MBOAT1: variants seen among roughly 807,000 people sequenced by gnomAD.
The protein encoded by MBOAT1 is membrane bound glycerophospholipid O-acyltransferase 1, also known as membrane-bound glycerophospholipid O-acyltransferase 1.
Under a neutral mutation model 64.4 loss-of-function variants are expected in MBOAT1, and 67 were observed. That is an observed-to-expected ratio of 1.04 (90% confidence interval 0.85 to 1.27). The LOEUF (loss-of-function observed/expected upper bound fraction) is 1.27, where lower values mean the gene tolerates loss of function less well. MBOAT1 is among the 50% of genes most tolerant of loss of function. The pLI, the probability that MBOAT1 is intolerant of heterozygous loss-of-function variation, is 0.00. For synonymous variants in MBOAT1, 229 were observed against 218.9 expected (o/e 1.05, Z -0.41); for missense variants, 563 against 604.6 (o/e 0.93, Z 0.72).
At chr6:20,193,253 G>T (rs377672253) in intron 1 of MBOAT1, among the ~76,000 whole-genome samples, 81 of 152,052 alleles carry the variant, frequency 5.3e-4, no homozygotes, top group Middle Eastern at 3.4e-3. Flanking sequence ...TGATCCGCCC[G>T]CCTAGGCCTC....
At chr6:20,187,561 CA>C (rs1240362752) in intron 1 of MBOAT1, among the ~76,000 whole-genome samples, 4 of 152,126 alleles carry the variant, frequency 2.6e-5, no homozygotes, top group Non-Finnish European at 2.9e-5. Context: ...AAATCATCTA[CA>C]AAACCAGAAA....
At chr6:20,204,784 T>C (rs1217156148) in intron 1 of MBOAT1, among the ~76,000 whole-genome samples, 1 of 152,214 alleles carries the variant, frequency 6.6e-6, no homozygotes, top group Non-Finnish European at 1.5e-5. Context: ...GGTGCTGGAA[T>C]GCAGTGCAGC....
intron 6 of MBOAT1, among the ~76,000 whole-genome samples, 175 bp from the exon 7 acceptor site, chr6:20,126,875 A>G (rs1760669519): frequency 6.6e-6 from 1 of 152,200 alleles, no homozygotes; most frequent in African/African-American, 2.4e-5. Flanking sequence ...GAAAGGTTAA[A>G]GAAGCAGGGG....
chr6:20,103,586 C>A (rs1354287548), intron 12 of MBOAT1, among the ~76,000 whole-genome samples: 1 of 151,990 alleles, frequency 6.6e-6, no homozygotes, highest in Non-Finnish European at 1.5e-5. Flanking sequence ...CGCCACCACG[C>A]TCGGCCAATT....
intron 1 of MBOAT1, among the ~76,000 whole-genome samples, chr6:20,180,533 C>A (rs1762479561): frequency 1.3e-5 from 2 of 152,274 alleles, no homozygotes; most frequent in South Asian, 2.1e-4. Context: ...CCAATAAACA[C>A]CACAGCTCTG....
At chr6:20,123,785 G>GCA (rs1760562533) in intron 8 of MBOAT1, among the ~76,000 whole-genome samples, 1 of 152,058 alleles carries the variant, frequency 6.6e-6, no homozygotes, top group African/African-American at 2.4e-5. Context: ...GGCTGGGCGT[G>GCA]GTGGCTCACA....
intron 1 of MBOAT1, among the ~76,000 whole-genome samples, chr6:20,160,082 C>A (rs1018990276): frequency 2.0e-5 from 3 of 152,188 alleles, no homozygotes; most frequent in African/African-American, 7.2e-5. Flanking sequence ...ACAGCTCTTG[C>A]AAGATTTCAA....
intron 1 of MBOAT1, among the ~76,000 whole-genome samples, chr6:20,198,768 A>T (rs1335113789): frequency 2.0e-5 from 3 of 152,194 alleles, no homozygotes; most frequent in Non-Finnish European, 4.4e-5. Flanking sequence ...TAAGCAGTCA[A>T]TTTCTAAATT....
chr6:20,212,201 AG>A lies in MBOAT1; in HGVS notation c.33del (p.Tyr12ThrfsTer23). The A allele has an allele frequency of 6.2e-7, 1 of 1,613,310 alleles. No homozygotes were observed. Among genetic ancestry groups the A allele is most frequent in the Non-Finnish European group, 8.5e-7 (1 of 1,179,850 alleles). MAAEPQPSSL[S>X]YRTTGSTYLH... ...AGGTAGGTGGAGCCCGTGGTGCGGT[AG>A]GAAAGGCTGGACGGCTGCGGCTCTG... On this transcript the variant is annotated frameshift_variant, in exon 1 of 13. Coordinates refer to ENST00000324607, the MANE Select transcript of MBOAT1 (RefSeq NM_001080480.3). LOFTEE classifies it high-confidence loss of function.
At chr6:20,148,093 C>A (rs1303183335) in intron 3 of MBOAT1, among the ~76,000 whole-genome samples, 4 of 152,172 alleles carry the variant, frequency 2.6e-5, no homozygotes, top group Admixed American at 2.6e-4. Context: ...TCCCCAAAAC[C>A]CTCTAAACAA....
intron 10 of MBOAT1, among the ~76,000 whole-genome samples, chr6:20,114,753 G>C (rs61354368): frequency 2.0e-5 from 3 of 151,976 alleles, no homozygotes; most frequent in Admixed American, 2.0e-4. Context: ...GCTTGGTGAT[G>C]GATGCCTGTA....
intron 1 of MBOAT1, among the ~76,000 whole-genome samples, chr6:20,190,144 G>A (rs1232311678): frequency 3.3e-5 from 5 of 151,898 alleles, no homozygotes; most frequent in Admixed American, 6.6e-5. Flanking sequence ...ACAGGCACCC[G>A]CCACCATGCC....
At chr6:20,185,074 A>T (rs1537559) in intron 1 of MBOAT1, among the ~76,000 whole-genome samples, 3,537 of 151,874 alleles carry the variant, frequency 0.023, 54 homozygotes, top group South Asian at 0.038. Context: ...GCATAGTGAG[A>T]CCCCATCTCT....
At chr6:20,159,637 G>A (rs1216419033) in intron 1 of MBOAT1, among the ~76,000 whole-genome samples, 11 of 152,250 alleles carry the variant, frequency 7.2e-5, no homozygotes, top group Middle Eastern at 6.8e-3. Context: ...GGAAGTAGAG[G>A]AAGAAAGGGG....
chr6:20,136,928 G>A (rs1486748813), intron 4 of MBOAT1, among the ~76,000 whole-genome samples: 1 of 152,078 alleles, frequency 6.6e-6, no homozygotes, highest in Non-Finnish European at 1.5e-5. Flanking sequence ...ACATGTATTT[G>A]TCTTATGGTT....
At chr6:20,155,241 T>C (rs988380857) in intron 1 of MBOAT1, among the ~76,000 whole-genome samples, 2 of 152,162 alleles carry the variant, frequency 1.3e-5, no homozygotes, top group Admixed American at 6.5e-5. Context: ...CCTACTGAAT[T>C]AGACATTTCC....
intron 1 of MBOAT1, among the ~76,000 whole-genome samples, chr6:20,207,379 G>C (rs571410623): frequency 6.6e-6 from 1 of 152,086 alleles, no homozygotes; most frequent in African/African-American, 2.4e-5. Flanking sequence ...AGAATCACTC[G>C]GGAAGTACCC....
At chr6:20,157,854 CA>C (rs1761740131) in intron 1 of MBOAT1, among the ~76,000 whole-genome samples, 1 of 151,812 alleles carries the variant, frequency 6.6e-6, no homozygotes, top group Non-Finnish European at 1.5e-5. Context: ...CGTGGGTGGC[CA>C]AAGAAAATGA....
intron 1 of MBOAT1, among the ~76,000 whole-genome samples, chr6:20,177,189 C>T (rs200122448): frequency 6.6e-6 from 1 of 152,108 alleles, no homozygotes; most frequent in African/African-American, 2.4e-5. Context: ...CAGTGCTTGG[C>T]CTTCGATCTT....
Sources: allele counts gnomAD v4.1 joint callset (sites outside exome capture counted in the v4.1 genomes callset), GRCh38; gene constraint gnomAD v4.1.1; transcripts MANE v1.5; gene names NCBI Gene and HGNC (gene_info 2026-07-23, HGNC 2026-07-21).